RAB3GAP1: variants seen among roughly 807,000 people sequenced by gnomAD.
The protein encoded by RAB3GAP1 is rab3 GTPase-activating protein catalytic subunit.
RAB3GAP1 carries 86 observed loss-of-function variants against 130.7 expected under a neutral mutation model. The observed-to-expected ratio is 0.66, with a 90% CI of 0.55 to 0.79. The LOEUF is 0.79. Ranked by LOEUF, RAB3GAP1 falls within the 30% of genes least tolerant of loss-of-function variation. RAB3GAP1 has a pLI of 0.00. For missense variants in RAB3GAP1, 1,029 were observed against 1,169.4 expected (o/e 0.88, Z 1.75); for synonymous variants, 367 against 401.7 (o/e 0.91, Z 1.03).
At chr2:135,060,521 A>C (rs972015441) in intron 3 of RAB3GAP1, among the ~76,000 whole-genome samples, 2 of 151,590 alleles carry the variant, frequency 1.3e-5, no homozygotes, top group African/African-American at 4.9e-5. Context: ...CGGCCTCCCA[A>C]AGTGCTGGGA....
intron 2 of RAB3GAP1, among the ~76,000 whole-genome samples, chr2:135,057,743 C>G (rs1225696870): frequency 1.3e-5 from 2 of 152,148 alleles, no homozygotes; most frequent in Non-Finnish European, 2.9e-5. Flanking sequence ...ATTAGAGATT[C>G]ATCAATTCTT....
chr2:135,052,611 G>C, intron 2 of RAB3GAP1, 126 bp downstream of exon 2: 2 of 1,117,844 alleles, frequency 1.8e-6, no homozygotes, highest in Non-Finnish European at 2.7e-6. Flanking sequence ...TGGGTCCCGG[G>C]TCTCCTCCCC....
In RAB3GAP1 at chr2:135,154,695, G is replaced by C. The variant is rs574562499; in HGVS notation, c.2289+819G>C. Among the ~76,000 whole-genome samples the C allele has an allele frequency of 3.3e-3, 501 of 152,182 alleles. 4 individuals are homozygous for C. Among genetic ancestry groups the C allele is most frequent in the South Asian group, 7.9e-3 (38 of 4,822 alleles). On this transcript the variant is annotated intron_variant, in intron 19 of 23. Transcript: ENST00000264158. ...ATGCCAAAACACTGAACACAGGTAG[G>C]GTTTGCTAGTTCACAGCACTTGCCA...
chr2:135,058,128 T>G, intron 3 of RAB3GAP1, 42 bp downstream of exon 3: 1 of 1,509,372 alleles, frequency 6.6e-7, no homozygotes, highest in Non-Finnish European at 9.2e-7. Flanking sequence ...CTATTTACTT[T>G]GAAACCTCTA....
At chr2:135,052,393 G>T (rs952505563) in intron 1 of RAB3GAP1, 37 bp from the exon 2 acceptor site, 6 of 1,613,956 alleles carry the variant, frequency 3.7e-6, no homozygotes, top group Non-Finnish European at 5.1e-6. Flanking sequence ...TTCGCCTTGG[G>T]GCTTAATTTC....
At chr2:135,099,292 T>G (rs1341178051) in intron 5 of RAB3GAP1, among the ~76,000 whole-genome samples, 1 of 152,166 alleles carries the variant, frequency 6.6e-6, no homozygotes, top group African/African-American at 2.4e-5. Context: ...TTGATATGAT[T>G]GTTGTTTTCT....
At chr2:135,070,259 C>T (rs1689429203) in intron 3 of RAB3GAP1, among the ~76,000 whole-genome samples, 1 of 152,194 alleles carries the variant, frequency 6.6e-6, no homozygotes. Context: ...GGGCTGCAGT[C>T]CTCAACTTTG....
intron 5 of RAB3GAP1, among the ~76,000 whole-genome samples, chr2:135,104,490 G>A (rs1690534954): frequency 6.6e-6 from 1 of 152,032 alleles, no homozygotes; most frequent in South Asian, 2.1e-4. Flanking sequence ...AGAATTGAAG[G>A]AAAGGGTTTT....
intron 5 of RAB3GAP1, among the ~76,000 whole-genome samples, chr2:135,105,803 C>T (rs1690586944): frequency 6.6e-6 from 1 of 151,892 alleles, no homozygotes; most frequent in Non-Finnish European, 1.5e-5. Context: ...CTCTGCCTGG[C>T]CGCCCATCGT....
chr2:135,152,427 A>G (rs1054316866), intron 18 of RAB3GAP1, among the ~76,000 whole-genome samples: 1 of 152,244 alleles, frequency 6.6e-6, no homozygotes, highest in South Asian at 2.1e-4. Context: ...AATATAATCT[A>G]TAGTGTATGA....
At chr2:135,080,249 T>G (rs1689756397) in intron 3 of RAB3GAP1, among the ~76,000 whole-genome samples, 1 of 152,210 alleles carries the variant, frequency 6.6e-6, no homozygotes, top group Non-Finnish European at 1.5e-5. Context: ...GTTCCTTTCT[T>G]GAAGAGCAGG....
In RAB3GAP1 at chr2:135,133,913, T is replaced by G. The variant is rs1558792714; in HGVS notation, c.1379T>G (p.Leu460Arg). The change falls in exon 15 of 24, where the codon CTG becomes CGG. Residue 460 changes from leucine to arginine, a missense_variant. Transcript: ENST00000264158. ...CCATCTGACAGTTTAACATACAAACTGGCTTTGTGTCTCTGTATGATCAAT... is the reference window on the plus strand; with the variant it reads ...CCATCTGACAGTTTAACATACAAACGGGCTTTGTGTCTCTGTATGATCAAT... ...SAPSDSLTYK[L>R]ALCLCMINFY... 1.2e-6 allele frequency: 2 copies of G among 1,613,804 alleles called. No homozygotes were observed. Among genetic ancestry groups the G allele is most frequent in the Non-Finnish European group, 8.5e-7 (1 of 1,179,706 alleles).
At chr2:135,096,715 C>A (rs1690308286) in intron 5 of RAB3GAP1, among the ~76,000 whole-genome samples, 1 of 152,088 alleles carries the variant, frequency 6.6e-6, no homozygotes, top group Admixed American at 6.6e-5. Flanking sequence ...TACTTAGTAT[C>A]TCTGCAACTT....
At chr2:135,099,431 C>CTG (rs141856311) in intron 5 of RAB3GAP1, among the ~76,000 whole-genome samples, 4,762 of 142,508 alleles carry the variant, frequency 0.033, 88 homozygotes, top group South Asian at 0.066. Context: ...ATTTGTATTT[C>CTG]TGTGTGTGTG....
chr2:135,093,495 A>C (rs1215167033), intron 4 of RAB3GAP1, 120 bp from the exon 5 acceptor site: 1 of 743,972 alleles, frequency 1.3e-6, no homozygotes, highest in Non-Finnish European at 2.4e-6. Flanking sequence ...TTTAGATATG[A>C]ATCTTAAAGC....
At chr2:135,117,558 G>GCTTCTTCTTCTT (rs1484152024) in intron 7 of RAB3GAP1, among the ~76,000 whole-genome samples, 1 of 19,248 alleles carries the variant, frequency 5.2e-5, no homozygotes, top group African/African-American at 1.9e-4. Context: ...TTCTTCTTCT[G>GCTTCTTCTTCTT]CTTCTTCTTC....
At chr2:135,128,102 C>T (rs1038959855) in intron 11 of RAB3GAP1, among the ~76,000 whole-genome samples, 2 of 152,140 alleles carry the variant, frequency 1.3e-5, no homozygotes, top group African/African-American at 4.8e-5. Flanking sequence ...TTTTCTTGGG[C>T]TCTTTATCAT....
chr2:135,136,153 C>G (rs970909775), intron 17 of RAB3GAP1, among the ~76,000 whole-genome samples: 2 of 152,062 alleles, frequency 1.3e-5, no homozygotes, highest in African/African-American at 4.8e-5. Context: ...TGGTGAAACC[C>G]TGTCTCTACT....
chr2:135,083,189 T>C (rs753217664), intron 3 of RAB3GAP1, among the ~76,000 whole-genome samples: 2 of 152,182 alleles, frequency 1.3e-5, no homozygotes, highest in Non-Finnish European at 2.9e-5. Context: ...TATTCCATCG[T>C]AGGGGTATAC....
Sources: gnomAD v4.1 joint callset for allele counts (sites outside exome capture counted in the v4.1 genomes callset) on GRCh38, gnomAD v4.1.1 for gene constraint, MANE v1.5 for transcripts, NCBI Gene and HGNC (gene_info 2026-07-23, HGNC 2026-07-21) for gene names.